The following LONP2 variants were observed in gnomAD, a reference collection of about 807,000 sequenced individuals.
LONP2 encodes the protein lon peptidase 2, peroxisomal, also known as lon protease homolog 2, peroxisomal.
Under a neutral mutation model 85.6 loss-of-function variants are expected in LONP2, and 60 were observed. The ratio of observed to expected loss-of-function variants is 0.70; its 90% confidence interval spans 0.57 to 0.87. The LOEUF is 0.87. Among genes scored for constraint, LONP2 ranks in the 40% least tolerant of loss-of-function variants. The probability of loss-of-function intolerance (pLI) is 0.00; values close to 1 mark genes in which losing one functional copy is unlikely to be tolerated. For missense variants in LONP2, 860 were observed against 1,063.5 expected (o/e 0.81, Z 2.66); for synonymous variants, 395 against 389.7 (o/e 1.01, Z -0.16).
intron 1 of LONP2, 77 bp downstream of exon 1, chr16:48,244,698 C>T: frequency 1.9e-6 from 2 of 1,074,312 alleles, no homozygotes; most frequent in Non-Finnish European, 1.2e-6. Flanking sequence ...CACGGCCTGC[C>T]TTGAGCGCGA....
chr16:48,250,141 G>C (rs1449369153), intron 1 of LONP2, among the ~76,000 whole-genome samples: 1 of 150,066 alleles, frequency 6.7e-6, no homozygotes, highest in Non-Finnish European at 1.5e-5. Flanking sequence ...AATAAGCCGA[G>C]ATCACGCCAT....
Position 48,351,855 on chromosome 16 carries a change from GAC to G in LONP2, c.*57_*58del, listed in dbSNP as rs1461376730. The G allele has an allele frequency of 7.0e-7, 1 of 1,430,934 alleles. No individual in the cohort carries two copies. Among genetic ancestry groups the G allele is most frequent in the African/African-American group, 1.4e-5 (1 of 70,714 alleles). The allele number at this position is 1,430,934 out of a possible 1,614,324, so 88.6% of individuals were successfully genotyped here. A position where few individuals can be genotyped will look rare whatever the true frequency, so the allele number is the denominator to read the frequency against. On this transcript the variant is annotated 3_prime_UTR_variant, in exon 15 of 15. Coordinates refer to ENST00000285737, the MANE Select transcript of LONP2 (RefSeq NM_031490.5). ...AAGTTATGAAGTGCTCAAAGGTACT[GAC>G]ACAGTTGATTTTATTCACACCATTA...
At chr16:48,302,869 G>T (rs12445647) in intron 10 of LONP2, among the ~76,000 whole-genome samples, 14,065 of 152,204 alleles carry the variant, frequency 0.092, 891 homozygotes, top group Admixed American at 0.19. Context: ...GGAGTAAATG[G>T]TTTTTTATAT....
intron 8 of LONP2, among the ~76,000 whole-genome samples, chr16:48,282,531 C>G (rs571672896): frequency 6.6e-6 from 1 of 151,800 alleles, no homozygotes; most frequent in Non-Finnish European, 1.5e-5. Flanking sequence ...GTAGTTATTG[C>G]AATATTTTTA....
At chr16:48,305,382 G>A (rs1972892746) in intron 11 of LONP2, among the ~76,000 whole-genome samples, 1 of 152,114 alleles carries the variant, frequency 6.6e-6, no homozygotes, top group African/African-American at 2.4e-5. Context: ...AGCCTCCCCA[G>A]TAGCTGGTAC....
At chr16:48,279,962 C>A (rs1438184367) in intron 8 of LONP2, among the ~76,000 whole-genome samples, 1 of 152,060 alleles carries the variant, frequency 6.6e-6, no homozygotes, top group Non-Finnish European at 1.5e-5. Flanking sequence ...GGCACATTCC[C>A]AGTTTATGCC....
chr16:48,324,490 GA>G (rs755466106), intron 11 of LONP2, among the ~76,000 whole-genome samples: 35 of 152,248 alleles, frequency 2.3e-4, no homozygotes, highest in Non-Finnish European at 2.9e-4. Context: ...CAGCTTGCAA[GA>G]AAAATTTTAA....
At chr16:48,273,594 C>T (rs1264020756) in intron 7 of LONP2, among the ~76,000 whole-genome samples, 1 of 152,074 alleles carries the variant, frequency 6.6e-6, no homozygotes, top group Non-Finnish European at 1.5e-5. Flanking sequence ...ACTTTGTAAG[C>T]CACAAAATAC....
intron 8 of LONP2, among the ~76,000 whole-genome samples, chr16:48,278,351 C>A (rs1972259000): frequency 6.6e-6 from 1 of 152,104 alleles, no homozygotes; most frequent in African/African-American, 2.4e-5. Context: ...CTAGGTTCTC[C>A]CTTCACCTCT....
intron 2 of LONP2, among the ~76,000 whole-genome samples, chr16:48,254,336 C>T (rs1369008539): frequency 6.7e-6 from 1 of 150,322 alleles, no homozygotes; most frequent in South Asian, 2.1e-4. Flanking sequence ...GCCTTCAGTT[C>T]TCTGCTGGGA....
chr16:48,262,813 C>A lies in LONP2; in HGVS notation c.923C>A (p.Ala308Asp), dbSNP rs373704955. Residue 308 changes from alanine (A) to aspartate (D), a missense_variant, in exon 6 of 15, where the codon GCT (alanine) becomes GAT (aspartate). By Grantham distance (126) the Ala-to-Asp change is moderately radical. Transcript: ENST00000285737. ...KKMPQSMPEY[A>D]LTRNYLELMV... ...ATGCCTCAGTCAATGCCAGAATATG[C>A]TCTGACTAGAAATTATTTGGAACTT... 29 of 1,612,222 alleles carry A rather than the reference C, an allele frequency of 1.8e-5. No homozygotes were observed. Among genetic ancestry groups the A allele is most frequent in the Non-Finnish European group, 2.4e-5 (28 of 1,179,084 alleles).
At chr16:48,262,199 A>G (rs928716328) in intron 5 of LONP2, among the ~76,000 whole-genome samples, 1 of 152,172 alleles carries the variant, frequency 6.6e-6, no homozygotes, top group Non-Finnish European at 1.5e-5. Flanking sequence ...AGCATTGCAT[A>G]TATTATGGAA....
chr16:48,347,460 C>G, intron 12 of LONP2, 47 bp from the exon 13 acceptor site: 2 of 1,591,586 alleles, frequency 1.3e-6, no homozygotes, highest in East Asian at 2.2e-5. Flanking sequence ...GTATCAGTCA[C>G]CTTTAGCATT....
intron 11 of LONP2, among the ~76,000 whole-genome samples, chr16:48,327,594 A>G (rs1049115702): frequency 1.3e-5 from 2 of 152,040 alleles, no homozygotes; most frequent in African/African-American, 2.4e-5. Flanking sequence ...AGTAGCTGGG[A>G]TTACAGGCAC....
At chr16:48,346,700 C>T (rs989803692) in intron 12 of LONP2, among the ~76,000 whole-genome samples, 6 of 152,124 alleles carry the variant, frequency 3.9e-5, no homozygotes, top group African/African-American at 1.4e-4. Flanking sequence ...GCGATCCTGT[C>T]GTCTCAGCCT....
Position 48,303,296 on chromosome 16 carries a change from G to A in LONP2, c.1786G>A (p.Glu596Lys), listed in dbSNP as rs1489032750. 2 of 1,613,098 alleles carry A rather than the reference G, an allele frequency of 1.2e-6. No homozygotes were observed. Among genetic ancestry groups the A allele is most frequent in the Non-Finnish European group, 1.7e-6 (2 of 1,179,244 alleles). Residue 596 changes from glutamate (E) to lysine (K), a missense_variant, in exon 11 of 15, where the codon GAG (glutamate) becomes AAG (lysine). Around this residue, in one of 3 missense-constraint regions of LONP2, gnomAD observed 743 missense variants for 917.3 expected, o/e 0.81. Transcript: ENST00000285737. Reference sequence around the variant, plus strand: ...CAAGTTGGACCGTTCTGATGTGACTGAGAGAGAAGGTTGGTGACCTTGTTC... The same window carrying A: ...CAAGTTGGACCGTTCTGATGTGACTAAGAGAGAAGGTTGGTGACCTTGTTC... Reference protein sequence around the residue: ...EAKLDRSDVTEREGCREHILE... With the variant: ...EAKLDRSDVTKREGCREHILE...
At chr16:48,263,548 A>G (rs1318086503) in intron 6 of LONP2, among the ~76,000 whole-genome samples, 1 of 152,178 alleles carries the variant, frequency 6.6e-6, no homozygotes, top group Admixed American at 6.5e-5. Flanking sequence ...CTTCTTTTTT[A>G]AGGTGCATAA....
intron 11 of LONP2, among the ~76,000 whole-genome samples, chr16:48,308,748 G>A (rs1449767258): frequency 6.6e-6 from 1 of 151,344 alleles, no homozygotes; most frequent in Non-Finnish European, 1.5e-5. Flanking sequence ...CATAAACAAA[G>A]AGTTCATGAC....
At chr16:48,300,232 C>CTCACTTTTCTTT (rs1250369810) in intron 10 of LONP2, among the ~76,000 whole-genome samples, 1 of 152,166 alleles carries the variant, frequency 6.6e-6, no homozygotes, top group East Asian at 1.9e-4. Flanking sequence ...ATTTAAGTTA[C>CTCACTTTTCTTT]TCACTTTTCT....
Sources: allele counts gnomAD v4.1 joint callset (sites outside exome capture counted in the v4.1 genomes callset), GRCh38; gene constraint gnomAD v4.1.1; regional missense constraint gnomAD v4.1.1; transcripts MANE v1.5; gene names NCBI Gene and HGNC (gene_info 2026-07-23, HGNC 2026-07-21).